The following CDK13 variants were observed in gnomAD, a reference collection of about 807,000 sequenced individuals.
The protein encoded by CDK13 is cyclin-dependent kinase 13.
Under a neutral mutation model 137.6 loss-of-function variants are expected in CDK13, and 40 were observed. The observed-to-expected ratio is 0.29, with a 90% CI of 0.23 to 0.38. The LOEUF is 0.38. Ranked by LOEUF, CDK13 falls within the 10% of genes least tolerant of loss-of-function variation. The pLI is 1.00. For missense variants in CDK13, 1,704 were observed against 1,951.8 expected, an observed-to-expected ratio of 0.87 and a Z score of 2.39; for synonymous variants, 869 against 760.1, an observed-to-expected ratio of 1.14 and a Z score of -2.36.
chr7:40,053,390 T>C (rs993571772), intron 7 of CDK13, among the ~76,000 whole-genome samples: 1 of 152,158 alleles, frequency 6.6e-6, no homozygotes, highest in African/African-American at 2.4e-5. Flanking sequence ...TATAGGCCAT[T>C]GTAAATAGAA....
chr7:40,045,289 T>A (rs1338486869), intron 5 of CDK13, among the ~76,000 whole-genome samples: 1 of 152,176 alleles, frequency 6.6e-6, no homozygotes, highest in Admixed American at 6.5e-5. Context: ...AGCTGTTTTT[T>A]ATAAAATAAA....
intron 1 of CDK13, among the ~76,000 whole-genome samples, chr7:39,962,039 T>A (rs1314589187): frequency 6.6e-6 from 1 of 152,242 alleles, no homozygotes; most frequent in African/African-American, 2.4e-5. Flanking sequence ...TCTATCATTG[T>A]TGGACATTTG....
At chr7:39,969,281 G>C (rs752392050) in intron 1 of CDK13, among the ~76,000 whole-genome samples, 5 of 152,096 alleles carry the variant, frequency 3.3e-5, no homozygotes, top group Non-Finnish European at 5.9e-5. Context: ...CAAAGTGCTG[G>C]GATTACAGTT....
intron 1 of CDK13, among the ~76,000 whole-genome samples, chr7:39,958,830 T>TA (rs1263233420): frequency 1.3e-5 from 2 of 152,256 alleles, no homozygotes; most frequent in Non-Finnish European, 2.9e-5. Context: ...GTAACATTGA[T>TA]ACACTTTCAA....
chr7:40,094,273 C>G lies in CDK13; in HGVS notation c.3832C>G (p.Arg1278Gly), dbSNP rs556687546. ...AGTCACTGAGGAAGATCTAGATTAT[C>G]GGACAGAAAACCAGCATGTACCCAC... Reference protein sequence around the residue: ...PPVTEEDLDYRTENQHVPTTS... With the variant: ...PPVTEEDLDYGTENQHVPTTS... The change falls in exon 14 of 14, where the codon CGG (arginine) becomes GGG (glycine). Residue 1278 changes from arginine to glycine, a missense_variant. This residue lies in a region of CDK13 where 475 missense variants were observed against 579.3 expected (regional missense o/e 0.82). Coordinates refer to ENST00000181839, the MANE Select transcript of CDK13 (RefSeq NM_003718.5). The G allele has an allele frequency of 6.2e-7, 1 of 1,612,292 alleles. No individual in the cohort carries two copies. The highest frequency in any genetic ancestry group is 1.3e-5 in the African/African-American group (1 of 74,834).
chr7:39,980,041 T>C (rs867223834), intron 1 of CDK13, among the ~76,000 whole-genome samples: 1 of 152,354 alleles, frequency 6.6e-6, no homozygotes, highest in African/African-American at 2.4e-5. Context: ...ACTTCTGACA[T>C]GCAGAACTGC....
intron 5 of CDK13, among the ~76,000 whole-genome samples, chr7:40,025,910 G>A (rs573175599): frequency 1.3e-5 from 2 of 152,276 alleles, no homozygotes; most frequent in African/African-American, 4.8e-5. Context: ...TTTTCTATGT[G>A]AAGCAATTTT....
chr7:40,003,528 G>A (rs892841617), intron 5 of CDK13, among the ~76,000 whole-genome samples: 6 of 152,116 alleles, frequency 3.9e-5, no homozygotes, highest in Non-Finnish European at 8.8e-5. Context: ...TTATTAGCAA[G>A]ACTTTTAGCC....
At chr7:39,986,628 A>G (rs1209072724) in intron 1 of CDK13, 1 of 152,214 alleles carries the variant, frequency 6.6e-6, no homozygotes. Flanking sequence ...GTTGTCAAGT[A>G]CTTTGAAGAC....
intron 5 of CDK13, among the ~76,000 whole-genome samples, chr7:40,042,999 A>C (rs189671900): frequency 7.2e-5 from 11 of 152,160 alleles, no homozygotes; most frequent in Non-Finnish European, 1.6e-4. Flanking sequence ...GCTAGTCTCA[A>C]ACCCCTGGCC....
intron 1 of CDK13, 82 bp from the exon 2 acceptor site, chr7:39,987,517 A>C: frequency 3.6e-6 from 4 of 1,109,102 alleles, no homozygotes; most frequent in Non-Finnish European, 5.0e-6. Flanking sequence ...TTTATTTCAT[A>C]AACTTGAATT....
chr7:39,962,848 C>A (rs1160966505), intron 1 of CDK13, among the ~76,000 whole-genome samples: 2 of 152,168 alleles, frequency 1.3e-5, no homozygotes, highest in Non-Finnish European at 2.9e-5. Flanking sequence ...ATAATGCTAG[C>A]TAGTTTTCCC....
chr7:40,023,135 C>T (rs917064426), intron 5 of CDK13, among the ~76,000 whole-genome samples: 2 of 150,632 alleles, frequency 1.3e-5, no homozygotes, highest in Non-Finnish European at 2.9e-5. Context: ...CTCTGTTGAC[C>T]AGGCTGCAGT....
intron 5 of CDK13, among the ~76,000 whole-genome samples, chr7:40,024,754 C>T (rs990922903): frequency 1.4e-5 from 2 of 144,364 alleles, no homozygotes; most frequent in African/African-American, 2.5e-5. Flanking sequence ...GCCTCCGCCT[C>T]CCGGGTTCGA....
At chr7:39,953,967 T>C (rs1787323081) in intron 1 of CDK13, among the ~76,000 whole-genome samples, 1 of 152,216 alleles carries the variant, frequency 6.6e-6, no homozygotes. Context: ...AAGGATTAAG[T>C]GAAAATTTAT....
At chr7:40,014,908 C>G (rs970518833) in intron 5 of CDK13, among the ~76,000 whole-genome samples, 7 of 152,048 alleles carry the variant, frequency 4.6e-5, no homozygotes, top group African/African-American at 1.7e-4. Flanking sequence ...GTTCAGGCAT[C>G]TGGTTTTCTG....
intron 1 of CDK13, among the ~76,000 whole-genome samples, chr7:39,959,841 G>GT (rs34837261): frequency 4.1e-4 from 51 of 123,948 alleles, no homozygotes; most frequent in Non-Finnish European, 5.1e-4. Context: ...CTACTAACTT[G>GT]TTTTTTTTTT....
intron 7 of CDK13, chr7:40,061,520 A>G (rs1395382280): frequency 1.3e-5 from 2 of 152,200 alleles, no homozygotes; most frequent in Non-Finnish European, 2.9e-5. Context: ...TGCTTTCTAA[A>G]TTGAATGCTC....
chr7:40,029,613 G>A (rs1241540980), intron 5 of CDK13, among the ~76,000 whole-genome samples: 4 of 151,554 alleles, frequency 2.6e-5, no homozygotes, highest in East Asian at 3.9e-4. Context: ...TCAGTTTCTC[G>A]GGAGGCTGAG....
Sources: allele counts gnomAD v4.1 joint callset (sites outside exome capture counted in the v4.1 genomes callset), GRCh38; gene constraint gnomAD v4.1.1; regional missense constraint gnomAD v4.1.1; transcripts MANE v1.5; gene names NCBI Gene and HGNC (gene_info 2026-07-23, HGNC 2026-07-21).